ENTREP2: variants seen among roughly 807,000 people sequenced by gnomAD.
ENTREP2 encodes endosomal transmembrane epsin interactor 2, also known as protein ENTREP2.
the ENTREP2 span, among the ~76,000 whole-genome samples, chr15:29,616,896 C>G: frequency 1.3e-5 from 2 of 151,908 alleles, no homozygotes; most frequent in African/African-American, 4.8e-5. Flanking sequence ...CCCATCTCTA[C>G]TAAAAATACA....
the ENTREP2 span, among the ~76,000 whole-genome samples, chr15:29,596,974 A>AT: frequency 6.6e-6 from 1 of 151,446 alleles, no homozygotes; most frequent in East Asian, 1.9e-4. Context: ...TCGGCTCCTA[A>AT]TTTTTTTTAA....
chr15:29,595,300 G>A, the ENTREP2 span, among the ~76,000 whole-genome samples: 1 of 151,972 alleles, frequency 6.6e-6, no homozygotes, highest in African/African-American at 2.4e-5. Context: ...TTTTAGGGTA[G>A]CTATAGAATT....
the ENTREP2 span, among the ~76,000 whole-genome samples, chr15:29,183,814 C>A: frequency 6.6e-6 from 1 of 152,094 alleles, no homozygotes; most frequent in Non-Finnish European, 1.5e-5. Flanking sequence ...GAGGGAGGGA[C>A]AGAGAGCCGT....
At chr15:29,269,516 A>T in the ENTREP2 span, 2 of 1,589,446 alleles carry the variant, frequency 1.3e-6, no homozygotes, top group Admixed American at 1.8e-5. Flanking sequence ...CCCTGAGGCG[A>T]GGGGCCCTGC....
chr15:29,347,251 T>C, the ENTREP2 span, among the ~76,000 whole-genome samples: 2 of 152,238 alleles, frequency 1.3e-5, no homozygotes, highest in Non-Finnish European at 2.9e-5. Flanking sequence ...TATAGCTCAC[T>C]GTCTTGACTC....
At chr15:29,211,071 G>A in the ENTREP2 span, among the ~76,000 whole-genome samples, 1 of 152,276 alleles carries the variant, frequency 6.6e-6, no homozygotes, top group Middle Eastern at 3.4e-3. Context: ...GGGATTGTCT[G>A]TAAAATATGC....
At chr15:29,297,782 T>C in the ENTREP2 span, among the ~76,000 whole-genome samples, 1 of 152,100 alleles carries the variant, frequency 6.6e-6, no homozygotes, top group African/African-American at 2.4e-5. Flanking sequence ...AGTGAATCCA[T>C]GCGGGGTCTA....
At chr15:29,254,729 C>T in the ENTREP2 span, among the ~76,000 whole-genome samples, 1 of 151,982 alleles carries the variant, frequency 6.6e-6, no homozygotes, top group Admixed American at 6.6e-5. Flanking sequence ...TGGTGCTGCG[C>T]GCCTGTAATC....
At chr15:29,633,979 G>C in the ENTREP2 span, among the ~76,000 whole-genome samples, 10 of 152,136 alleles carry the variant, frequency 6.6e-5, no homozygotes, top group Non-Finnish European at 1.3e-4. Context: ...AAAACGGGGT[G>C]GGGGTTTCAT....
the ENTREP2 span, among the ~76,000 whole-genome samples, chr15:29,195,985 CT>C: frequency 2.5e-3 from 386 of 151,662 alleles, 1 homozygote; most frequent in African/African-American, 8.1e-3. Context: ...TTCCAAATCA[CT>C]TTTTTTTTAA....
the ENTREP2 span, among the ~76,000 whole-genome samples, chr15:29,502,349 A>T: frequency 6.6e-6 from 1 of 152,112 alleles, no homozygotes; most frequent in East Asian, 1.9e-4. Flanking sequence ...AGGAAAGAAT[A>T]ATTTTCTCAA....
At chr15:29,491,317 TC>T in the ENTREP2 span, among the ~76,000 whole-genome samples, 1 of 152,080 alleles carries the variant, frequency 6.6e-6, no homozygotes, top group Non-Finnish European at 1.5e-5. Context: ...AGAGTGGGGC[TC>T]CTACAGTGCA....
At chr15:29,549,126 T>C in the ENTREP2 span, among the ~76,000 whole-genome samples, 1 of 152,326 alleles carries the variant, frequency 6.6e-6, no homozygotes, top group Non-Finnish European at 1.5e-5. Flanking sequence ...CTTCTGTTTC[T>C]GTACCTCACT....
the ENTREP2 span, among the ~76,000 whole-genome samples, chr15:29,354,611 T>C: frequency 6.6e-6 from 1 of 152,088 alleles, no homozygotes; most frequent in Non-Finnish European, 1.5e-5. Flanking sequence ...GAGTAAATTC[T>C]TAGAAATTTT....
At chr15:29,454,549 T>C in the ENTREP2 span, among the ~76,000 whole-genome samples, 2 of 152,212 alleles carry the variant, frequency 1.3e-5, no homozygotes, top group African/African-American at 4.8e-5. Context: ...ATTTCCTTGA[T>C]TGAACGTGCA....
the ENTREP2 span, among the ~76,000 whole-genome samples, chr15:29,636,015 G>A: frequency 6.6e-6 from 1 of 152,142 alleles, no homozygotes; most frequent in African/African-American, 2.4e-5. Context: ...AAATCCCCCT[G>A]TGCAGGAGCC....
the ENTREP2 span, among the ~76,000 whole-genome samples, chr15:29,476,416 G>A: frequency 6.6e-6 from 1 of 152,176 alleles, no homozygotes; most frequent in Admixed American, 6.5e-5. Context: ...TAAAGTGGGA[G>A]GAGAAAATGA....
chr15:29,457,421 C>T, the ENTREP2 span, among the ~76,000 whole-genome samples: 1 of 152,246 alleles, frequency 6.6e-6, no homozygotes, highest in Admixed American at 6.5e-5. Context: ...AGGAGAGCAA[C>T]ATCTTCTGTG....
the ENTREP2 span, among the ~76,000 whole-genome samples, chr15:29,597,651 A>G: frequency 6.6e-6 from 1 of 152,076 alleles, no homozygotes; most frequent in Non-Finnish European, 1.5e-5. Context: ...TATTGTGTGA[A>G]TGTACCATAG....
Sources: gnomAD v4.1 joint callset for allele counts (sites outside exome capture counted in the v4.1 genomes callset) on GRCh38, gnomAD v4.1.1 for gene constraint, MANE v1.5 for transcripts, NCBI Gene and HGNC (gene_info 2026-07-23, HGNC 2026-07-21) for gene names.